Variants in OMA1 observed in about 807,000 individuals in gnomAD.
OMA1 encodes metalloendopeptidase OMA1, mitochondrial.
A neutral mutation model predicts 30.9 loss-of-function variants in OMA1; 38 were observed. The ratio of observed to expected loss-of-function variants is 1.23; its 90% CI spans 0.95 to 1.61. The LOEUF is 1.61. OMA1 is among the 40% of genes most tolerant of loss of function. The pLI is 0.00. For missense variants in OMA1, 461 were observed against 349.2 expected, an observed-to-expected ratio of 1.32 and a Z score of -2.55; for synonymous variants, 173 against 121.9, an observed-to-expected ratio of 1.42 and a Z score of -2.76.
chr1:58,541,554 C>T (rs1197783619), intron 1 of OMA1: 10 of 123,790 alleles, frequency 8.1e-5, no homozygotes, highest in Non-Finnish European at 1.4e-4. Flanking sequence ...AGGCAAGAGA[C>T]TGCAGTGAGC....
At chr1:58,527,205 G>A (rs1305892839) in intron 7 of OMA1, 56 bp downstream of exon 7, 5 of 841,222 alleles carry the variant, frequency 5.9e-6, no homozygotes, top group South Asian at 1.3e-5. Flanking sequence ...AATAACACAC[G>A]TTTATCTTTC....
intron 7 of OMA1, among the ~76,000 whole-genome samples, chr1:58,525,141 T>G (rs1306362455): frequency 1.3e-5 from 2 of 152,216 alleles, no homozygotes; most frequent in African/African-American, 4.8e-5. Context: ...ATAACCGATT[T>G]GTGTTTTATG....
Position 58,484,901 on chromosome 1 carries a change from G to A in OMA1, c.1366-3727C>T, listed in dbSNP as rs536234369. Among the ~76,000 whole-genome samples, 24 of 152,178 alleles carry A rather than the reference G, an allele frequency of 1.6e-4. No individual in the cohort carries two copies. The South Asian group carries it at 2.5e-3, about 16-fold the overall frequency. On this transcript the variant is annotated intron_variant, in intron 8 of 8. Transcript: ENST00000371226. ...AGATCAGTGGTTGCCAGGGGCTAGG[G>A]GGAGGGAGGAATGAGTAGGCACAGA... is the stretch of plus-strand genomic sequence containing the variant.
chr1:58,503,162 A>C (rs1422324055), intron 8 of OMA1, among the ~76,000 whole-genome samples: 1 of 152,244 alleles, frequency 6.6e-6, no homozygotes, highest in Non-Finnish European at 1.5e-5. Context: ...AACAAACCAC[A>C]TATTTTTAGA....
intron 3 of OMA1, among the ~76,000 whole-genome samples, chr1:58,535,118 A>G (rs1224118561): frequency 6.6e-6 from 1 of 152,214 alleles, no homozygotes; most frequent in South Asian, 2.1e-4. Context: ...GATTGAAAGG[A>G]AATTACTGAA....
intron 8 of OMA1, among the ~76,000 whole-genome samples, chr1:58,482,388 A>C (rs1005863216): frequency 3.3e-5 from 5 of 152,206 alleles, no homozygotes; most frequent in African/African-American, 1.2e-4. Context: ...CTGGCTGCTG[A>C]TTTAAGTAAC....
intron 7 of OMA1, among the ~76,000 whole-genome samples, chr1:58,524,161 T>A (rs4912342): frequency 0.12 from 17,701 of 152,236 alleles, 1,229 homozygotes; most frequent in African/African-American, 0.18. Context: ...CTGCCTTAAA[T>A]CTTGATGCTC....
intron 8 of OMA1, among the ~76,000 whole-genome samples, chr1:58,500,727 ACATT>A (rs1645893048): frequency 6.6e-6 from 1 of 152,202 alleles, no homozygotes; most frequent in Admixed American, 6.6e-5. Context: ...TTTTTCCTAT[ACATT>A]CTATCATTCT....
intron 6 of OMA1, 142 bp from the exon 7 acceptor site, chr1:58,527,477 C>T (rs1401657817): frequency 3.5e-6 from 2 of 579,192 alleles, no homozygotes; most frequent in Non-Finnish European, 6.2e-6. Context: ...AAAATAACTC[C>T]ATGATATAAA....
At chr1:58,492,613 T>C (rs1175192071) in intron 8 of OMA1, among the ~76,000 whole-genome samples, 1 of 152,120 alleles carries the variant, frequency 6.6e-6, no homozygotes, top group African/African-American at 2.4e-5. Context: ...AAATACAAAC[T>C]ACCATCAGAG....
At chr1:58,501,491 C>A (rs567958064) in intron 8 of OMA1, among the ~76,000 whole-genome samples, 1 of 152,272 alleles carries the variant, frequency 6.6e-6, no homozygotes, top group Admixed American at 6.5e-5. Context: ...CTTACAGGGG[C>A]GATAAGGCCC....
chr1:58,497,659 G>A (rs529623352), intron 8 of OMA1, among the ~76,000 whole-genome samples: 1 of 152,192 alleles, frequency 6.6e-6, no homozygotes, highest in East Asian at 1.9e-4. Context: ...TATCTACGAA[G>A]GAAATCTCTA....
At position 58,533,229 on chromosome 1, in the gene OMA1, A is replaced by C. The variant is rs567129540; in HGVS notation, c.1011+724T>G. Reference sequence around the variant, plus strand: ...TACATCAACTTGAATTCTATGATCTATAAGAAAAGCGCTGCTAAAAACCAG... The same window carrying C: ...TACATCAACTTGAATTCTATGATCTCTAAGAAAAGCGCTGCTAAAAACCAG... On this transcript the variant is annotated intron_variant, in intron 5 of 8. Coordinates refer to ENST00000371226, the MANE Select transcript of OMA1 (RefSeq NM_145243.5). Among the ~76,000 whole-genome samples the C allele has an allele frequency of 1.4e-4, 21 of 152,356 alleles. No individual in the cohort carries two copies. In the South Asian group the frequency reaches 4.4e-3, roughly 32 times the overall value.
At chr1:58,531,918 AGGCT>A in intron 5 of OMA1, among the ~76,000 whole-genome samples, 1 of 152,168 alleles carries the variant, frequency 6.6e-6, no homozygotes, top group South Asian at 2.1e-4. Context: ...CATGTTGGCC[AGGCT>A]GGTCTTGAAC....
chr1:58,492,662 C>G (rs938596013), intron 8 of OMA1, among the ~76,000 whole-genome samples: 2 of 152,262 alleles, frequency 1.3e-5, no homozygotes, highest in African/African-American at 4.8e-5. Context: ...ACTAGAAAAT[C>G]TGGAAGAAAT....
At chr1:58,511,595 C>T (rs982774550) in intron 7 of OMA1, among the ~76,000 whole-genome samples, 1 of 152,074 alleles carries the variant, frequency 6.6e-6, no homozygotes, top group African/African-American at 2.4e-5. Context: ...CATCACTGCA[C>T]TCTAGCCTGG....
intron 8 of OMA1, among the ~76,000 whole-genome samples, chr1:58,494,601 G>T (rs1295552874): frequency 6.6e-6 from 1 of 152,080 alleles, no homozygotes; most frequent in Non-Finnish European, 1.5e-5. Context: ...ATCAAAAAGT[G>T]GGTGAAGGAT....
Position 58,539,066 on chromosome 1 carries a change from T to C in OMA1, c.229A>G (p.Lys77Glu), listed in dbSNP as rs759534014. Residue 77 changes from lysine (K) to glutamate (E), a missense_variant, in exon 2 of 9, where the codon AAA (lysine) becomes GAA (glutamate). Coordinates refer to ENST00000371226, the MANE Select transcript of OMA1 (RefSeq NM_145243.5). ...NFHFYSTFNN[K>E]RTGGLSSTKS... ...GTACTTGAGAGGCCTCCTGTTCTTT[T>C]GTTGTTAAAAGTACTATAAAAATGA... The C allele has an allele frequency of 8.0e-6, 7 of 872,848 alleles. No homozygotes were observed. Among genetic ancestry groups the C allele is most frequent in the Non-Finnish European group, 1.2e-5 (6 of 501,666 alleles). The allele number at this position is 872,848 out of a possible 1,614,324, so 54.1% of individuals were successfully genotyped here.
intron 7 of OMA1, among the ~76,000 whole-genome samples, chr1:58,521,949 A>C (rs1370463112): frequency 6.6e-6 from 1 of 152,216 alleles, no homozygotes; most frequent in African/African-American, 2.4e-5. Context: ...CTGACAGGAC[A>C]TTACAAGAAA....
Sources: gnomAD v4.1 joint callset for allele counts (sites outside exome capture counted in the v4.1 genomes callset) on GRCh38, gnomAD v4.1.1 for gene constraint, MANE v1.5 for transcripts, NCBI Gene and HGNC (gene_info 2026-07-23, HGNC 2026-07-21) for gene names.